Variants in MACROD2 observed in about 807,000 individuals in gnomAD.
The protein encoded by MACROD2 is mono-ADP ribosylhydrolase 2, also known as ADP-ribose glycohydrolase MACROD2.
In MACROD2, 36 loss-of-function variants were observed where a neutral mutation model predicts 70.4. The ratio of observed to expected loss-of-function variants is 0.51; its 90% CI spans 0.39 to 0.68. MACROD2 has a LOEUF of 0.68. Ranked by LOEUF, MACROD2 falls within the 30% of genes least tolerant of loss-of-function variation. MACROD2 has a pLI of 0.00. For synonymous variants in MACROD2, 172 were observed against 178.8 expected, an observed-to-expected ratio of 0.96 and a Z score of 0.30; for missense variants, 496 against 538.4, an observed-to-expected ratio of 0.92 and a Z score of 0.78.
chr20:15,454,268 G>C (rs574395195), intron 7 of MACROD2, among the ~76,000 whole-genome samples: 1 of 152,122 alleles, frequency 6.6e-6, no homozygotes, highest in East Asian at 1.9e-4. Context: ...CTTTGCTGTA[G>C]GTTATAAGCA....
chr20:15,505,207 C>A (rs1254803330), intron 8 of MACROD2, among the ~76,000 whole-genome samples: 1 of 152,092 alleles, frequency 6.6e-6, no homozygotes, highest in Admixed American at 6.5e-5. Flanking sequence ...TGGTCATATT[C>A]AATATTTCAG....
At chr20:16,035,196 A>G (rs1459139288) in intron 15 of MACROD2, among the ~76,000 whole-genome samples, 1 of 136,988 alleles carries the variant, frequency 7.3e-6, no homozygotes, top group African/African-American at 2.7e-5. Flanking sequence ...TATATAAAAT[A>G]TAATATAAAA....
At chr20:15,885,225 C>T (rs762322982) in intron 9 of MACROD2, among the ~76,000 whole-genome samples, 27 of 152,026 alleles carry the variant, frequency 1.8e-4, no homozygotes, top group Non-Finnish European at 3.4e-4. Context: ...ATGATGGGAG[C>T]TAAATGGGAG....
chr20:15,327,718 C>A (rs947496880), intron 6 of MACROD2, among the ~76,000 whole-genome samples: 1 of 151,972 alleles, frequency 6.6e-6, no homozygotes, highest in Admixed American at 6.6e-5. Context: ...ATCACTGCCC[C>A]CTACTTCTGC....
At chr20:14,636,906 G>A (rs1484321851) in intron 4 of MACROD2, among the ~76,000 whole-genome samples, 1 of 152,152 alleles carries the variant, frequency 6.6e-6, no homozygotes, top group Non-Finnish European at 1.5e-5. Context: ...GTCTGTTTAA[G>A]TAAAGGCACT....
intron 3 of MACROD2, among the ~76,000 whole-genome samples, chr20:14,089,811 A>G (rs946576249): frequency 1.3e-5 from 2 of 152,330 alleles, no homozygotes; most frequent in African/African-American, 4.8e-5. Flanking sequence ...ACAGAGTCCT[A>G]TGAACCCTGT....
At chr20:15,500,837 C>A (rs1042511906) in intron 8 of MACROD2, among the ~76,000 whole-genome samples, 1 of 152,116 alleles carries the variant, frequency 6.6e-6, no homozygotes, top group African/African-American at 2.4e-5. Context: ...TGGGTGCTTA[C>A]CCTTTATTTT....
chr20:15,332,337 T>A (rs1484419904), intron 6 of MACROD2, among the ~76,000 whole-genome samples: 1 of 151,710 alleles, frequency 6.6e-6, no homozygotes, highest in Non-Finnish European at 1.5e-5. Flanking sequence ...TTTTATTTAC[T>A]CTAGATCTAT....
chr20:14,741,072 C>T (rs2123719125), intron 5 of MACROD2, among the ~76,000 whole-genome samples: 2 of 152,278 alleles, frequency 1.3e-5, no homozygotes, highest in Middle Eastern at 6.8e-3. Context: ...AAAGCTTTAA[C>T]ACAAAATGGA....
At chr20:15,102,504 C>T (rs781241587) in intron 5 of MACROD2, among the ~76,000 whole-genome samples, 7 of 151,834 alleles carry the variant, frequency 4.6e-5, no homozygotes, top group African/African-American at 1.5e-4. Context: ...TGGGACCTGA[C>T]ATATTAGTTA....
intron 2 of MACROD2, among the ~76,000 whole-genome samples, chr20:14,055,378 C>T (rs912818311): frequency 1.3e-5 from 2 of 151,912 alleles, no homozygotes; most frequent in African/African-American, 2.4e-5. Context: ...AAGCCTGTTA[C>T]AGTCTTTCTC....
At chr20:15,487,394 A>C (rs114687774) in intron 7 of MACROD2, among the ~76,000 whole-genome samples, 1 of 152,206 alleles carries the variant, frequency 6.6e-6, no homozygotes, top group Non-Finnish European at 1.5e-5. Context: ...TTTGAAAATG[A>C]GTTTTAGGAT....
At chr20:14,076,913 A>T (rs1253773324) in intron 2 of MACROD2, among the ~76,000 whole-genome samples, 2 of 152,214 alleles carry the variant, frequency 1.3e-5, no homozygotes, top group Non-Finnish European at 1.5e-5. Flanking sequence ...ACAAGTAAAC[A>T]TGCACTAACA....
chr20:15,469,380 A>G (rs1168238688), intron 7 of MACROD2, among the ~76,000 whole-genome samples: 2 of 152,196 alleles, frequency 1.3e-5, no homozygotes, highest in South Asian at 2.1e-4. Context: ...CAGGGTACAC[A>G]TGGAATACTG....
intron 3 of MACROD2, among the ~76,000 whole-genome samples, chr20:14,410,967 T>A (rs2083743193): frequency 6.6e-6 from 1 of 152,060 alleles, no homozygotes; most frequent in Non-Finnish European, 1.5e-5. Flanking sequence ...TGGGACTGTC[T>A]CCAGTCCTCC....
intron 8 of MACROD2, among the ~76,000 whole-genome samples, chr20:15,536,671 A>C (rs2146557829): frequency 6.6e-6 from 1 of 152,292 alleles, no homozygotes; most frequent in Non-Finnish European, 1.5e-5. Flanking sequence ...AGATTTGTTG[A>C]TGGAATGAAA....
chr20:15,877,532 G>A (rs1442095780), intron 9 of MACROD2, among the ~76,000 whole-genome samples: 1 of 152,078 alleles, frequency 6.6e-6, no homozygotes. Context: ...CAATTTGTTA[G>A]ATGCAGTGAG....
chr20:14,396,924 C>CAAA lies in MACROD2; in HGVS notation c.272-96541_272-96539dup, dbSNP rs373227803. 8.5e-5 allele frequency among the ~76,000 whole-genome samples: 7 copies of CAAA among 82,610 alleles called. 1 individual carries two copies. Among genetic ancestry groups the CAAA allele is most frequent in the East Asian group, 4.6e-4 (1 of 2,188 alleles). The allele number at this position is 82,610 out of a possible 152,430, so 54.2% of individuals were successfully genotyped here. Reference sequence around the variant, plus strand: ...TGGACGACAGAGCGAGACTCCATCTCAAAAAAAAAAAAAAAATCCAATCTG... The same window carrying CAAA: ...TGGACGACAGAGCGAGACTCCATCTCAAAAAAAAAAAAAAAAAAATCCAATCTG... On this transcript the variant is annotated intron_variant, in intron 3 of 17. Transcript: ENST00000684519.
chr20:15,294,875 T>C (rs182797760), intron 6 of MACROD2, among the ~76,000 whole-genome samples: 12 of 152,296 alleles, frequency 7.9e-5, no homozygotes, highest in Admixed American at 7.8e-4. Flanking sequence ...AAAAACACTC[T>C]CTTTAGGCAT....
Sources: allele counts gnomAD v4.1 joint callset (sites outside exome capture counted in the v4.1 genomes callset), GRCh38; gene constraint gnomAD v4.1.1; transcripts MANE v1.5; gene names NCBI Gene and HGNC (gene_info 2026-07-23, HGNC 2026-07-21).